MRPS11: variants seen among roughly 807,000 people sequenced by gnomAD.
MRPS11 encodes mitochondrial ribosomal protein S11, also known as small ribosomal subunit protein uS11m.
MRPS11 carries 27 observed loss-of-function variants against 24.3 expected under a neutral mutation model. That is an observed-to-expected ratio of 1.11 (90% confidence interval 0.82 to 1.53). The LOEUF is 1.53. Ranked by LOEUF, MRPS11 falls within the 40% of genes most tolerant of loss-of-function variation. The pLI is 0.00. For synonymous variants in MRPS11, 104 were observed against 98.7 expected, an observed-to-expected ratio of 1.05 and a Z score of -0.32; for missense variants, 277 against 256.5, an observed-to-expected ratio of 1.08 and a Z score of -0.55.
intron 4 of MRPS11, 58 bp from the exon 5 acceptor site, chr15:88,476,931 A>C: frequency 3.6e-4 from 556 of 1,543,818 alleles, no homozygotes; most frequent in Non-Finnish European, 4.5e-4. Context: ...GGCAGTAGCA[A>C]GAGATTTGGA....
Position 88,477,150 on chromosome 15 carries a change from T to G in MRPS11, c.477+96T>G. On this transcript the variant is annotated intron_variant, in intron 5 of 5. Coordinates refer to ENST00000325844, the MANE Select transcript of MRPS11 (RefSeq NM_022839.5). This position sits in a 1 kb window ranked among gnomAD's most constrained non-coding sequence, Gnocchi z 5.7. ...GTACAGGGAGAGTAGAAAACACCTT[T>G]TAGTGGATTTCCATGTTTGCTTGAA... The G allele has an allele frequency of 9.0e-7, 1 of 1,108,726 alleles. No individual in the cohort carries two copies. Among genetic ancestry groups the G allele is most frequent in the Non-Finnish European group, 1.3e-6 (1 of 745,210 alleles). 68.7% of individuals were successfully genotyped at this position (1,108,726 alleles called of 1,614,324 possible).
intron 4 of MRPS11, among the ~76,000 whole-genome samples, chr15:88,476,229 A>G (rs2055820011): frequency 6.6e-6 from 1 of 152,168 alleles, no homozygotes; most frequent in Admixed American, 6.5e-5. Context: ...TGAGATTCAG[A>G]GTGTGTGACT....
Position 88,477,041 on chromosome 15 carries a change from G to T in MRPS11, c.464G>T (p.Gly155Val). The change falls in exon 5 of 6, where the codon GGG becomes GTG. Residue 155 changes from glycine (G) to valine (V), a missense_variant. By Grantham distance (109) the Gly-to-Val change is moderately radical (BLOSUM62 -3). Transcript: ENST00000325844. This position sits in a 1 kb window ranked among gnomAD's most constrained non-coding sequence, Gnocchi z 5.7. ...ATCCGAGTTGTGGTGAAAGGCCTGG[G>T]GCCAGGACGCTTGGTAAGTTACAGT... ...IHIRVVVKGL[G>V]PGRLSAMHGL... 6.2e-7 allele frequency: 1 copy of T among 1,614,034 alleles called. No homozygotes were observed. Among genetic ancestry groups the T allele is most frequent in the Non-Finnish European group, 8.5e-7 (1 of 1,179,978 alleles).
At position 88,469,050 on chromosome 15, in the gene MRPS11, G is replaced by A. The variant is rs2055625952; in HGVS notation, c.182+1026G>A. ...AAAAAAGAATAAGTGTCTCATTCCT[G>A]AGGAAATCAGGCAAGACCATGGAGA... On this transcript the variant is annotated intron_variant, in intron 2 of 5. Coordinates refer to ENST00000325844, the MANE Select transcript of MRPS11 (RefSeq NM_022839.5). The surrounding 1 kb of genome is among the most constrained non-coding windows in gnomAD (Gnocchi z 4.4). 6.6e-6 allele frequency: 1 copy of A among 151,978 alleles called. No homozygotes were observed. Among genetic ancestry groups the A allele is most frequent in the Non-Finnish European group, 1.5e-5 (1 of 68,014 alleles). The allele number at this position is 151,978 out of a possible 1,614,324, so 9.4% of individuals were successfully genotyped here.
rs1482310487 is a variant in MRPS11, at chr15:88,469,979, T to C, written c.182+1955T>C. The stretch of plus-strand genomic sequence containing the variant: ...GGATGGGAGTTGTTAAGGTTGAGAT[T>C]CTTAATAAACATTCAAGTGGAGACA... On this transcript the variant is annotated intron_variant, in intron 2 of 5. Coordinates refer to ENST00000325844, the MANE Select transcript of MRPS11 (RefSeq NM_022839.5). This position sits in a 1 kb window ranked among gnomAD's most constrained non-coding sequence, Gnocchi z 4.4. Among the ~76,000 whole-genome samples the C allele has an allele frequency of 6.6e-6, 1 of 152,066 alleles. No individual in the cohort carries two copies. Among genetic ancestry groups the C allele is most frequent in the East Asian group, 1.9e-4 (1 of 5,188 alleles).
chr15:88,468,147 A>G (rs1295732994), intron 2 of MRPS11, 123 bp downstream of exon 2: 6 of 1,465,754 alleles, frequency 4.1e-6, no homozygotes, highest in Non-Finnish European at 3.6e-6. Context: ...ACCTTATGCA[A>G]ATAAATCTGA....
Position 88,477,145 on chromosome 15 carries a change from A to C in MRPS11, c.477+91A>C. The C allele has an allele frequency of 8.6e-7, 1 of 1,156,374 alleles. No homozygotes were observed. The highest frequency in any genetic ancestry group is 1.3e-6 in the Non-Finnish European group (1 of 786,976). The allele number at this position is 1,156,374 out of a possible 1,614,324, so 71.6% of individuals were successfully genotyped here. The stretch of plus-strand genomic sequence containing the variant: ...GCAGAGTACAGGGAGAGTAGAAAAC[A>C]CCTTTTAGTGGATTTCCATGTTTGC... On this transcript the variant is annotated intron_variant, in intron 5 of 5. Coordinates refer to ENST00000325844, the MANE Select transcript of MRPS11 (RefSeq NM_022839.5). This position sits in a 1 kb window ranked among gnomAD's most constrained non-coding sequence, Gnocchi z 5.7.
chr15:88,478,916 G>C lies in MRPS11; in HGVS notation c.*937G>C, dbSNP rs1368422214. The C allele has an allele frequency of 6.6e-6, 1 of 152,072 alleles. No homozygotes were observed. The highest frequency in any genetic ancestry group is 1.5e-5 in the Non-Finnish European group (1 of 68,040). The allele number at this position is 152,072 out of a possible 1,614,324, so 9.4% of individuals were successfully genotyped here. On this transcript the variant is annotated 3_prime_UTR_variant, in exon 6 of 6. Coordinates refer to ENST00000325844, the MANE Select transcript of MRPS11 (RefSeq NM_022839.5). The surrounding 1 kb of genome is among the most constrained non-coding windows in gnomAD (Gnocchi z 4.7). ...AGGCATGAAAATCGCTTGAACCCAGGAGGTGGAGGCTGCAGTGAGCTGAGA... is the reference window on the plus strand; with the variant it reads ...AGGCATGAAAATCGCTTGAACCCAGCAGGTGGAGGCTGCAGTGAGCTGAGA...
chr15:88,467,783 G>T lies in MRPS11; in HGVS notation c.65+1G>T, dbSNP rs749429279. 1.2e-6 allele frequency: 2 copies of T among 1,614,102 alleles called. No homozygotes were observed. Among genetic ancestry groups the T allele is most frequent in the Admixed American group, 1.7e-5 (1 of 60,022 alleles). ...CCTGGACTTGGCCCCAGACAGCCGG[G>T]TAACAAATGACTGCCCCCTCGAGCC... On this transcript the variant is annotated splice_donor_variant, in intron 1 of 5. Transcript: ENST00000325844. LOFTEE classifies it high-confidence loss of function.
intron 2 of MRPS11, chr15:88,468,659 T>C (rs1257977100): frequency 1.1e-5 from 3 of 282,084 alleles, no homozygotes; most frequent in Non-Finnish European, 1.6e-5. Flanking sequence ...ATTTTAACCA[T>C]AATCTGCTCA....
At position 88,477,344 on chromosome 15, in the gene MRPS11, G is replaced by A. The variant is rs1018971040; in HGVS notation, c.477+290G>A. ...AATCCCTTAGGACAGACTGGTGAGCGCTGTGGTAAAGCATGTGCCCAGATC... is the reference window on the plus strand; with the variant it reads ...AATCCCTTAGGACAGACTGGTGAGCACTGTGGTAAAGCATGTGCCCAGATC... On this transcript the variant is annotated intron_variant, in intron 5 of 5. Transcript: ENST00000325844. The surrounding 1 kb of genome is among the most constrained non-coding windows in gnomAD (Gnocchi z 5.7). Among the ~76,000 whole-genome samples the A allele has an allele frequency of 9.2e-5, 14 of 152,340 alleles. No individual in the cohort carries two copies. Among genetic ancestry groups the A allele is most frequent in the African/African-American group, 3.4e-4 (14 of 41,582 alleles).
rs11858332 is a variant in MRPS11 at position 88,475,522 on chromosome 15, C to T, written c.411+283C>T. On this transcript the variant is annotated intron_variant, in intron 4 of 5. Transcript: ENST00000325844. The surrounding 1 kb of genome is among the most constrained non-coding windows in gnomAD (Gnocchi z 4.1). The stretch of plus-strand genomic sequence containing the variant: ...ACCAAAGACCCCTCAATTTAAAAAC[C>T]GTTAGCCAGGTCTGGTGGCACCTGC... Among the ~76,000 whole-genome samples, 3,135 of 152,184 alleles carry T rather than the reference C, an allele frequency of 0.021. 114 individuals are homozygous for T. The highest frequency in any genetic ancestry group is 0.07 in the African/African-American group (2,887 of 41,506).
At position 88,478,280 on chromosome 15, in the gene MRPS11, T is replaced by C. The variant is rs2055865130; in HGVS notation, c.*301T>C. On this transcript the variant is annotated 3_prime_UTR_variant, in exon 6 of 6. Transcript: ENST00000325844. The surrounding 1 kb of genome is among the most constrained non-coding windows in gnomAD (Gnocchi z 4.7). ...CCACCTGTCATAATTTTGAGATTTTTTGCTTTCAGAGTTACGTAATTCCTA... is the reference window on the plus strand; with the variant it reads ...CCACCTGTCATAATTTTGAGATTTTCTGCTTTCAGAGTTACGTAATTCCTA... 3 of 368,740 alleles carry C rather than the reference T, an allele frequency of 8.1e-6. No homozygotes were observed. The highest frequency in any genetic ancestry group is 1.5e-5 in the Non-Finnish European group (3 of 202,924). 22.8% of individuals were successfully genotyped at this position (368,740 alleles called of 1,614,324 possible). A position where few individuals can be genotyped will look rare whatever the true frequency, so the allele number is the denominator to read the frequency against.
chr15:88,476,448 T>C (rs114741054), intron 4 of MRPS11, among the ~76,000 whole-genome samples: 17 of 152,294 alleles, frequency 1.1e-4, no homozygotes, highest in African/African-American at 4.1e-4. Flanking sequence ...GAAATCAAAA[T>C]GCTGTAAATG....
intron 4 of MRPS11, among the ~76,000 whole-genome samples, chr15:88,476,032 A>G (rs951311039): frequency 1.3e-5 from 2 of 152,328 alleles, no homozygotes; most frequent in African/African-American, 2.4e-5. Context: ...AGGACATAGT[A>G]TCGTGGGGAC....
At position 88,475,949 on chromosome 15, in the gene MRPS11, C is replaced by A. The variant is rs1034351329; in HGVS notation, c.411+710C>A. ...TCCAGCCTGGTGACAGAGCGAGACT[C>A]CATCTCAAGAAAAAAAATAAAAATA... is the stretch of plus-strand genomic sequence containing the variant. On this transcript the variant is annotated intron_variant, in intron 4 of 5. Coordinates refer to ENST00000325844, the MANE Select transcript of MRPS11 (RefSeq NM_022839.5). This position sits in a 1 kb window ranked among gnomAD's most constrained non-coding sequence, Gnocchi z 4.1. Among the ~76,000 whole-genome samples, 1 of 152,022 alleles carries A rather than the reference C, an allele frequency of 6.6e-6. No individual in the cohort carries two copies. The highest frequency in any genetic ancestry group is 2.4e-5 in the African/African-American group (1 of 41,366).
chr15:88,476,241 G>A (rs1055858506), intron 4 of MRPS11, among the ~76,000 whole-genome samples: 49 of 152,242 alleles, frequency 3.2e-4, no homozygotes, highest in African/African-American at 1.1e-3. Context: ...TGTGTGACTT[G>A]CCCAGAGCCA....
At position 88,477,848 on chromosome 15, in the gene MRPS11, T is replaced by G. The variant is rs1192704890; in HGVS notation, c.478-24T>G. 4 of 1,602,416 alleles carry G rather than the reference T, an allele frequency of 2.5e-6. No individual in the cohort carries two copies. The highest frequency in any genetic ancestry group is 2.2e-5 in the South Asian group (2 of 90,784). ...CATCATTTCTGGGACCATGTCATTCTACTTTTCCTTCTGTTCCTTCCAGTC... is the reference window on the plus strand; with the variant it reads ...CATCATTTCTGGGACCATGTCATTCGACTTTTCCTTCTGTTCCTTCCAGTC... On this transcript the variant is annotated intron_variant, in intron 5 of 5. Transcript: ENST00000325844. This position sits in a 1 kb window ranked among gnomAD's most constrained non-coding sequence, Gnocchi z 5.7.
At chr15:88,470,219 G>A (rs1050824476) in intron 2 of MRPS11, among the ~76,000 whole-genome samples, 16 of 152,194 alleles carry the variant, frequency 1.1e-4, no homozygotes, top group African/African-American at 3.4e-4. Context: ...GGACGCTGAG[G>A]CAGGAGAATC....
Sources: gnomAD v4.1 joint callset for allele counts (sites outside exome capture counted in the v4.1 genomes callset) on GRCh38, gnomAD v4.1.1 for gene constraint, Gnocchi (gnomAD v3.1) non-coding constraint, MANE v1.5 for transcripts, NCBI Gene and HGNC (gene_info 2026-07-23, HGNC 2026-07-21) for gene names.